Variants in SEPHS1 observed in about 807,000 individuals in gnomAD.
The protein encoded by SEPHS1 is zincore component SEPHS1.
SEPHS1 carries 7 observed loss-of-function variants against 39.2 expected under a neutral mutation model. The ratio of observed to expected loss-of-function variants is 0.18; its 90% confidence interval spans 0.10 to 0.34. The LOEUF (loss-of-function observed/expected upper bound fraction) is 0.34, where lower values mean the gene tolerates loss of function less well. Among genes scored for constraint, SEPHS1 ranks in the 10% least tolerant of loss-of-function variants. The pLI, the probability that SEPHS1 is intolerant of heterozygous loss-of-function variation, is 1.00. For missense variants in SEPHS1, 253 were observed against 514.5 expected (o/e 0.49, Z 4.92); for synonymous variants, 190 against 195.5 (o/e 0.97, Z 0.23).
intron 5 of SEPHS1, among the ~76,000 whole-genome samples, chr10:13,332,456 T>C (rs1022091684): frequency 6.6e-6 from 1 of 152,146 alleles, no homozygotes; most frequent in Non-Finnish European, 1.5e-5. Flanking sequence ...TGCACAACCT[T>C]GTCAATACTA....
At position 13,317,858 on chromosome 10, in the gene SEPHS1, A is replaced by G. The variant is rs1832989848; in HGVS notation, c.*1284T>C. The G allele has an allele frequency of 6.6e-6, 1 of 152,206 alleles. No homozygotes were observed. Among genetic ancestry groups the G allele is most frequent in the African/African-American group, 2.4e-5 (1 of 41,448 alleles). The allele number at this position is 152,206 out of a possible 1,614,324, so 9.4% of individuals were successfully genotyped here. On this transcript the variant is annotated 3_prime_UTR_variant, in exon 9 of 9. Transcript: ENST00000327347. ...TCCTCATTGCTTAGTAGGTTAAAAT[A>G]TAAGGAAGCCTCCACTTTACATAAC...
chr10:13,348,169 G>C lies in SEPHS1; in HGVS notation c.-248C>G, dbSNP rs944813050. The C allele has an allele frequency of 6.9e-6, 1 of 143,980 alleles. No individual in the cohort carries two copies. The highest frequency in any genetic ancestry group is 2.1e-4 in the South Asian group (1 of 4,706). The allele number at this position is 143,980 out of a possible 1,614,324, so 8.9% of individuals were successfully genotyped here. On this transcript the variant is annotated 5_prime_UTR_variant, in exon 1 of 9. Transcript: ENST00000327347. ...CCGCGCCTGGGCGCCGCGGGGGCTC[G>C]CCTGCCTCGGCGCGGCCCTGCGGGA...
chr10:13,324,083 C>T (rs905941779), intron 7 of SEPHS1, among the ~76,000 whole-genome samples: 1 of 152,202 alleles, frequency 6.6e-6, no homozygotes, highest in African/African-American at 2.4e-5. Context: ...CTCTGCTCTA[C>T]CTGATCCCCT....
At chr10:13,345,340 C>T (rs1014273158) in intron 1 of SEPHS1, 3 of 161,700 alleles carry the variant, frequency 1.9e-5, no homozygotes, top group African/African-American at 7.2e-5. Flanking sequence ...TAGGACTCAG[C>T]ATTAGAACAG....
intron 5 of SEPHS1, among the ~76,000 whole-genome samples, chr10:13,332,234 C>T (rs1479798347): frequency 6.6e-6 from 1 of 152,146 alleles, no homozygotes; most frequent in Non-Finnish European, 1.5e-5. Context: ...ACGGATGGAC[C>T]CGGAAAACAT....
At chr10:13,335,838 G>A (rs1464996532) in intron 4 of SEPHS1, among the ~76,000 whole-genome samples, 2 of 151,354 alleles carry the variant, frequency 1.3e-5, no homozygotes, top group Non-Finnish European at 1.5e-5. Flanking sequence ...AAAATAGCCA[G>A]GTGTGGTGGT....
chr10:13,341,889 G>A (rs1281496116), intron 2 of SEPHS1, among the ~76,000 whole-genome samples: 1 of 151,252 alleles, frequency 6.6e-6, no homozygotes, highest in Non-Finnish European at 1.5e-5. Flanking sequence ...GCCTGGGAGG[G>A]CCTTGAACCC....
intron 5 of SEPHS1, among the ~76,000 whole-genome samples, chr10:13,332,200 T>C (rs896018648): frequency 2.6e-5 from 4 of 152,244 alleles, no homozygotes; most frequent in African/African-American, 9.6e-5. Flanking sequence ...TGGAAAGGAA[T>C]GCGATACCGA....
At chr10:13,321,819 G>A (rs1156433370) in intron 8 of SEPHS1, among the ~76,000 whole-genome samples, 1 of 152,232 alleles carries the variant, frequency 6.6e-6, no homozygotes, top group East Asian at 1.9e-4. Flanking sequence ...CCATGCTGGA[G>A]TACCTGCCAT....
At chr10:13,337,020 G>A (rs186894642) in intron 3 of SEPHS1, among the ~76,000 whole-genome samples, 15 of 152,266 alleles carry the variant, frequency 9.9e-5, no homozygotes, top group African/African-American at 3.4e-4. Context: ...GCATGGTGGT[G>A]CACACCTGTA....
At chr10:13,347,713 C>T (rs1017975579) in intron 1 of SEPHS1, among the ~76,000 whole-genome samples, 1 of 147,496 alleles carries the variant, frequency 6.8e-6, no homozygotes, top group African/African-American at 2.5e-5. Flanking sequence ...AAAATTAACC[C>T]CTGCGTGGCC....
intron 7 of SEPHS1, among the ~76,000 whole-genome samples, chr10:13,323,413 C>A (rs1191345237): frequency 2.0e-5 from 3 of 151,848 alleles, no homozygotes; most frequent in African/African-American, 7.3e-5. Context: ...GGGGTGCAGT[C>A]GTACGATCTC....
chr10:13,318,041 AAAT>A lies in SEPHS1; in HGVS notation c.*1098_*1100del, dbSNP rs1387790788. 10 of 152,210 alleles carry A rather than the reference AAAT, an allele frequency of 6.6e-5. No homozygotes were observed. The highest frequency in any genetic ancestry group is 2.4e-4 in the African/African-American group (10 of 41,462). The allele number at this position is 152,210 out of a possible 1,614,324, so 9.4% of individuals were successfully genotyped here. On this transcript the variant is annotated 3_prime_UTR_variant, in exon 9 of 9. Transcript: ENST00000327347. ...AGGCAAAACCCTCCCAACGCTTCTA[AAAT>A]AATACTAAAAGGGGCATCTGATTAT...
intron 2 of SEPHS1, among the ~76,000 whole-genome samples, chr10:13,340,174 G>A (rs7897851): frequency 0.09 from 13,715 of 152,000 alleles, 2,015 homozygotes; most frequent in African/African-American, 0.31. Context: ...TCACAGAGGC[G>A]GGTCATGGAG....
chr10:13,344,632 TC>T (rs2130701190), intron 2 of SEPHS1, 125 bp downstream of exon 2: 1 of 626,918 alleles, frequency 1.6e-6, no homozygotes, highest in South Asian at 3.9e-5. Flanking sequence ...GCATGTGTAT[TC>T]CTCAAATCTA....
At chr10:13,336,650 G>C (rs568926713) in intron 3 of SEPHS1, among the ~76,000 whole-genome samples, 1 of 152,284 alleles carries the variant, frequency 6.6e-6, no homozygotes, top group South Asian at 2.1e-4. Context: ...TTTAGATAGG[G>C]GAAGGGGTAT....
intron 5 of SEPHS1, among the ~76,000 whole-genome samples, chr10:13,333,129 A>G (rs547720434): frequency 2.6e-4 from 37 of 144,186 alleles, no homozygotes; most frequent in African/African-American, 1.1e-3. Flanking sequence ...ATATCTTAAT[A>G]CATCTATTTT....
At chr10:13,320,789 T>C (rs1015241257) in intron 8 of SEPHS1, among the ~76,000 whole-genome samples, 3 of 151,922 alleles carry the variant, frequency 2.0e-5, no homozygotes, top group Non-Finnish European at 4.4e-5. Context: ...GATCGCGCCA[T>C]TGCACTCCAG....
At chr10:13,344,422 AC>A (rs1414254946) in intron 2 of SEPHS1, among the ~76,000 whole-genome samples, 1 of 152,082 alleles carries the variant, frequency 6.6e-6, no homozygotes, top group Non-Finnish European at 1.5e-5. Flanking sequence ...TGTCAAGAGT[AC>A]CCCTCTTGAT....
Sources: allele counts gnomAD v4.1 joint callset (sites outside exome capture counted in the v4.1 genomes callset), GRCh38; gene constraint gnomAD v4.1.1; transcripts MANE v1.5; gene names NCBI Gene and HGNC (gene_info 2026-07-23, HGNC 2026-07-21).